CNGB3: variants seen among roughly 807,000 people sequenced by gnomAD.
The protein encoded by CNGB3 is cyclic nucleotide gated channel subunit beta 3.
In CNGB3, 86 loss-of-function variants were observed where a neutral mutation model predicts 92.8. The ratio of observed to expected loss-of-function variants is 0.93; its 90% confidence interval spans 0.78 to 1.11. The LOEUF (loss-of-function observed/expected upper bound fraction) is 1.11, where lower values mean the gene tolerates loss of function less well. Among genes scored for constraint, CNGB3 ranks in the 50% least tolerant of loss-of-function variants. CNGB3 has a pLI of 0.00. For synonymous variants in CNGB3, 333 were observed against 332.7 expected (o/e 1.00, Z -0.01); for missense variants, 1,026 against 956.8 (o/e 1.07, Z -0.95).
intron 5 of CNGB3, among the ~76,000 whole-genome samples, chr8:86,667,565 A>G (rs1472521514): frequency 6.6e-6 from 1 of 152,224 alleles, no homozygotes; most frequent in Non-Finnish European, 1.5e-5. Context: ...CAGAAGGAGT[A>G]TGGCACTGAA....
chr8:86,682,798 C>G (rs79642808), intron 3 of CNGB3, among the ~76,000 whole-genome samples: 3,367 of 152,202 alleles, frequency 0.022, 57 homozygotes, highest in Non-Finnish European at 0.033. Context: ...AGAAGGAAAT[C>G]AGAGTAGGGA....
chr8:86,707,280 TAA>T (rs1341181317), intron 3 of CNGB3, among the ~76,000 whole-genome samples: 1 of 152,084 alleles, frequency 6.6e-6, no homozygotes, highest in Non-Finnish European at 1.5e-5. Context: ...TACTTTTTAA[TAA>T]AGAGAGACAG....
intron 3 of CNGB3, among the ~76,000 whole-genome samples, chr8:86,701,449 G>A (rs1824554092): frequency 6.6e-6 from 1 of 152,126 alleles, no homozygotes; most frequent in African/African-American, 2.4e-5. Context: ...ACAAGCTTTG[G>A]AGGACATCTC....
At chr8:86,699,119 T>C (rs1441347473) in intron 3 of CNGB3, among the ~76,000 whole-genome samples, 1 of 152,216 alleles carries the variant, frequency 6.6e-6, no homozygotes, top group Non-Finnish European at 1.5e-5. Flanking sequence ...CTTTATATTT[T>C]GAAGGATAGT....
At chr8:86,713,605 G>T (rs1393871483) in intron 3 of CNGB3, among the ~76,000 whole-genome samples, 1 of 152,088 alleles carries the variant, frequency 6.6e-6, no homozygotes, top group Non-Finnish European at 1.5e-5. Context: ...TCCTATGAGT[G>T]TGGAATTACC....
intron 3 of CNGB3, among the ~76,000 whole-genome samples, chr8:86,716,197 A>G (rs2131663253): frequency 6.6e-6 from 1 of 152,246 alleles, no homozygotes; most frequent in East Asian, 1.9e-4. Context: ...TACAAAAATG[A>G]ACAAAGCCTC....
chr8:86,667,913 T>G, intron 5 of CNGB3, 106 bp downstream of exon 5: 69 of 1,221,530 alleles, frequency 5.6e-5, no homozygotes, highest in Non-Finnish European at 7.6e-5. Flanking sequence ...CTAGTTAGAT[T>G]GAGAATATGA....
At chr8:86,614,238 C>G (rs1258049794) in intron 13 of CNGB3, among the ~76,000 whole-genome samples, 1 of 152,104 alleles carries the variant, frequency 6.6e-6, no homozygotes, top group African/African-American at 2.4e-5. Flanking sequence ...GACCACCGCT[C>G]TATGGTACAG....
intron 15 of CNGB3, among the ~76,000 whole-genome samples, chr8:86,594,834 G>A (rs932442221): frequency 1.9e-4 from 29 of 152,188 alleles, no homozygotes; most frequent in African/African-American, 4.6e-4. Context: ...TCAGCCTCCC[G>A]AGTAGCTGGG....
intron 15 of CNGB3, among the ~76,000 whole-genome samples, chr8:86,590,946 G>T (rs1036383280): frequency 6.6e-6 from 1 of 151,334 alleles, no homozygotes; most frequent in Non-Finnish European, 1.5e-5. Context: ...TTCCAACTTG[G>T]TTCCATTCTC....
At chr8:86,640,663 T>A (rs1454595847) in intron 10 of CNGB3, among the ~76,000 whole-genome samples, 1 of 152,060 alleles carries the variant, frequency 6.6e-6, no homozygotes, top group Non-Finnish European at 1.5e-5. Context: ...ATTCTAGAAT[T>A]GCAAATAAAA....
chr8:86,731,011 T>C (rs555949912), intron 2 of CNGB3, among the ~76,000 whole-genome samples: 1 of 152,340 alleles, frequency 6.6e-6, no homozygotes, highest in East Asian at 1.9e-4. Context: ...AGAAATGGTG[T>C]GAGGAATTTA....
At chr8:86,607,422 C>G (rs62528583) in intron 14 of CNGB3, among the ~76,000 whole-genome samples, 4,608 of 152,112 alleles carry the variant, frequency 0.03, 99 homozygotes, top group Non-Finnish European at 0.048. Context: ...CTGGAGATAG[C>G]GCCCTTCAAA....
At chr8:86,716,400 T>A (rs1233964265) in intron 3 of CNGB3, among the ~76,000 whole-genome samples, 1 of 152,152 alleles carries the variant, frequency 6.6e-6, no homozygotes, top group Non-Finnish European at 1.5e-5. Context: ...CACAAAAATA[T>A]CATCGCCTAG....
chr8:86,576,229 C>A, intron 17 of CNGB3, 99 bp from the exon 18 acceptor site: 1 of 1,240,348 alleles, frequency 8.1e-7, no homozygotes, highest in Non-Finnish European at 1.1e-6. Context: ...ACCACCAAGA[C>A]AGACTGTCTG....
intron 3 of CNGB3, among the ~76,000 whole-genome samples, chr8:86,719,947 TAGA>T (rs2131666164): frequency 6.6e-6 from 1 of 152,296 alleles, no homozygotes; most frequent in East Asian, 1.9e-4. Context: ...AAGCCACATG[TAGA>T]AGAACGAAAC....
At chr8:86,629,148 T>C in intron 11 of CNGB3, 70 bp from the exon 12 acceptor site, 1 of 1,498,362 alleles carries the variant, frequency 6.7e-7, no homozygotes, top group Non-Finnish European at 9.3e-7. Context: ...AATTACATGT[T>C]TTCCACATGA....
At chr8:86,695,330 G>A (rs115413893) in intron 3 of CNGB3, among the ~76,000 whole-genome samples, 1,926 of 149,980 alleles carry the variant, frequency 0.013, 34 homozygotes, top group African/African-American at 0.045. Flanking sequence ...GAGAGGGAGA[G>A]GGAGAGGGAG....
chr8:86,650,807 A>G (rs1823387103), intron 7 of CNGB3, among the ~76,000 whole-genome samples: 1 of 151,526 alleles, frequency 6.6e-6, no homozygotes, highest in African/African-American at 2.4e-5. Flanking sequence ...CAATCCCACT[A>G]CTGGCTATCT....
Sources: gnomAD v4.1 joint callset for allele counts (sites outside exome capture counted in the v4.1 genomes callset) on GRCh38, gnomAD v4.1.1 for gene constraint, MANE v1.5 for transcripts, NCBI Gene and HGNC (gene_info 2026-07-23, HGNC 2026-07-21) for gene names.